ZNF483: variants seen among roughly 807,000 people sequenced by gnomAD.
ZNF483 encodes zinc finger protein 483.
In ZNF483, 9 loss-of-function variants were observed where a neutral mutation model predicts 28.6. The ratio of observed to expected loss-of-function variants is 0.32; its 90% CI spans 0.19 to 0.55. ZNF483 has a LOEUF of 0.55. Ranked by LOEUF, ZNF483 falls within the 20% of genes least tolerant of loss-of-function variation. The probability of loss-of-function intolerance (pLI) is 0.93; values close to 1 mark genes in which losing one functional copy is unlikely to be tolerated. For synonymous variants in ZNF483, 322 were observed against 306.2 expected (o/e 1.05, Z -0.54); for missense variants, 675 against 871.7 (o/e 0.77, Z 2.84).
chr9:111,530,274 GAGAGCTGTGTACCC>G (rs1827288901), intron 2 of ZNF483, among the ~76,000 whole-genome samples: 1 of 152,198 alleles, frequency 6.6e-6, no homozygotes, highest in South Asian at 2.1e-4. Context: ...GCAGTTCCTG[GAGAGCTGTGTACCC>G]AGAGATGGCA....
At chr9:111,534,418 CTT>C in intron 5 of ZNF483, 65 bp downstream of exon 5, 4 of 1,371,822 alleles carry the variant, frequency 2.9e-6, no homozygotes, top group Admixed American at 3.4e-5. Context: ...TGAGAAGACT[CTT>C]TGAAATGTTG....
downstream of ZNF483, among the ~76,000 whole-genome samples, chr9:111,560,144 G>A (rs1828231414): frequency 6.6e-6 from 1 of 151,668 alleles, no homozygotes; most frequent in African/African-American, 2.4e-5. Context: ...TCAGGAGGTC[G>A]AGACCAGCCT....
At position 111,551,689 on chromosome 9, in the gene ZNF483, G is replaced by A. The variant is rs946476695; in HGVS notation, c.*8519G>A. Among the ~76,000 whole-genome samples the A allele has an allele frequency of 5.3e-5, 8 of 152,042 alleles. No homozygotes were observed. The highest frequency in any genetic ancestry group is 1.9e-4 in the East Asian group (1 of 5,200). On this transcript the variant is annotated 3_prime_UTR_variant, in exon 6 of 6. Coordinates refer to ENST00000309235, the MANE Select transcript of ZNF483 (RefSeq NM_133464.5). ...AGTGCCGGGATTACAGGTGTGAACC[G>A]CCACACACAACCCCAATTTTTGTTT... is the stretch of plus-strand genomic sequence containing the variant.
Position 111,549,575 on chromosome 9 carries a change from A to G in ZNF483, c.*6405A>G. 1 of 636,290 alleles carries G rather than the reference A, an allele frequency of 1.6e-6. No homozygotes were observed. The allele number at this position is 636,290 out of a possible 1,614,324, so 39.4% of individuals were successfully genotyped here. A position where few individuals can be genotyped will look rare whatever the true frequency, so the allele number is the denominator to read the frequency against. Reference sequence around the variant, plus strand: ...AGGTCTGTCTCCCTTGTAGATTATCAGAGTGGGTCGATAATCTACAAGCTT... The same window carrying G: ...AGGTCTGTCTCCCTTGTAGATTATCGGAGTGGGTCGATAATCTACAAGCTT... On this transcript the variant is annotated 3_prime_UTR_variant, in exon 6 of 6. Coordinates refer to ENST00000309235, the MANE Select transcript of ZNF483 (RefSeq NM_133464.5).
At chr9:111,559,088 G>A (rs997298710), downstream of ZNF483, among the ~76,000 whole-genome samples, 1 of 152,058 alleles carries the variant, frequency 6.6e-6, no homozygotes, top group African/African-American at 2.4e-5. Flanking sequence ...CATGCTGCCA[G>A]GTAGAAGCTC....
At chr9:111,534,572 G>A (rs1424211756) in intron 5 of ZNF483, among the ~76,000 whole-genome samples, 1 of 152,128 alleles carries the variant, frequency 6.6e-6, no homozygotes, top group Non-Finnish European at 1.5e-5. Flanking sequence ...CTTTACTGGA[G>A]AAAGATTCAG....
In ZNF483 at chr9:111,554,861, G is replaced by A. The variant is rs746747799; in HGVS notation, c.*11691G>A. 4.1e-4 allele frequency among the ~76,000 whole-genome samples: 62 copies of A among 152,180 alleles called. No individual in the cohort carries two copies. Among genetic ancestry groups the A allele is most frequent in the Admixed American group, 7.2e-4 (11 of 15,278 alleles). ...GACAATCCAAAGTCTAATCTGCTCA[G>A]GGTCTACAACTGAAGTCCAGGGTCT... On this transcript the variant is annotated 3_prime_UTR_variant, in exon 6 of 6. Coordinates refer to ENST00000309235, the MANE Select transcript of ZNF483 (RefSeq NM_133464.5).
intron 2 of ZNF483, among the ~76,000 whole-genome samples, chr9:111,530,228 A>G (rs1310341924): frequency 6.6e-6 from 1 of 152,162 alleles, no homozygotes; most frequent in Admixed American, 6.5e-5. Flanking sequence ...CCAAAAGGAC[A>G]CAGCTCATGA....
At position 111,549,746 on chromosome 9, in the gene ZNF483, T is replaced by G. The variant is rs1398052023; in HGVS notation, c.*6576T>G. The G allele has an allele frequency of 6.4e-7, 1 of 1,550,842 alleles. No homozygotes were observed. The highest frequency in any genetic ancestry group is 8.7e-7 in the Non-Finnish European group (1 of 1,146,624). On this transcript the variant is annotated 3_prime_UTR_variant, in exon 6 of 6. Coordinates refer to ENST00000309235, the MANE Select transcript of ZNF483 (RefSeq NM_133464.5). The stretch of plus-strand genomic sequence containing the variant: ...CTAAGGTAATGGTGAATGATACATA[T>G]TCCCTTCATTTTTCTGCTTTGAAGC...
Position 111,542,444 on chromosome 9 carries a change from T to G in ZNF483, c.1509T>G (p.Gly503=). The change falls in exon 6 of 6, where the codon GGT becomes GGG. Residue 503 remains glycine, a synonymous_variant. Coordinates refer to ENST00000309235, the MANE Select transcript of ZNF483 (RefSeq NM_133464.5). The surrounding 1 kb of genome is among the most constrained non-coding windows in gnomAD (Gnocchi z 6.2). ...KPFKCDDCGK[G]FTLSAHLIKH... Reference sequence around the variant, plus strand: ...TCAAATGTGATGACTGTGGGAAAGGTTTCACCCTAAGTGCTCACCTCATTA... The same window carrying G: ...TCAAATGTGATGACTGTGGGAAAGGGTTCACCCTAAGTGCTCACCTCATTA... 2.5e-6 allele frequency: 4 copies of G among 1,614,062 alleles called. No individual in the cohort carries two copies. The highest frequency in any genetic ancestry group is 1.7e-5 in the Admixed American group (1 of 60,006).
chr9:111,560,672 G>A (rs1280772783), intron 5 of ZNF483, among the ~76,000 whole-genome samples: 3 of 143,634 alleles, frequency 2.1e-5, no homozygotes, highest in Admixed American at 7.0e-5. Flanking sequence ...CACCACGCAC[G>A]GTGGTTCACG....
chr9:111,533,854 T>C lies in ZNF483; in HGVS notation c.617T>C (p.Leu206Pro). The C allele has an allele frequency of 6.3e-7, 1 of 1,589,354 alleles. No individual in the cohort carries two copies. Among genetic ancestry groups the C allele is most frequent in the Non-Finnish European group, 8.5e-7 (1 of 1,174,128 alleles). ...KEVLLENLRN[L>P]EFLDFPVSKL... ...GTGCTACTGGAAAACCTCAGGAACC[T>C]AGAATTTCTGGGTAAAGACACCTTT... Residue 206 changes from leucine to proline, a missense_variant, in exon 4 of 6, where the codon CTA becomes CCA. By Grantham distance (98) the Leu-to-Pro change is moderately conservative. Around this residue, in one of 6 missense-constraint regions of ZNF483, gnomAD observed 525 missense variants for 581.8 expected, o/e 0.90. Transcript: ENST00000309235.
chr9:111,569,753 A>G lies in ZNF483; in HGVS notation c.722-6612A>G, dbSNP rs531025228. On this transcript the variant is annotated intron_variant, in intron 5 of 5. Coordinates refer to the ZNF483 transcript ENST00000358151. Reference sequence around the variant, plus strand: ...GCACTCCAGCCTGAGCAACAGAGTGAGACTCTGAAAAGCCTCATATGTGGG... The same window carrying G: ...GCACTCCAGCCTGAGCAACAGAGTGGGACTCTGAAAAGCCTCATATGTGGG... Among the ~76,000 whole-genome samples, 10 of 152,308 alleles carry G rather than the reference A, an allele frequency of 6.6e-5. No individual in the cohort carries two copies. In the South Asian group the frequency reaches 1.7e-3, roughly 25 times the overall value.
chr9:111,528,316 A>G (rs552320117), intron 2 of ZNF483, among the ~76,000 whole-genome samples: 3 of 152,234 alleles, frequency 2.0e-5, no homozygotes, highest in Admixed American at 6.5e-5. Flanking sequence ...GAATTTTTTA[A>G]ATCAAATTTA....
rs139510116 is a variant in ZNF483, at chr9:111,529,658, A to G, written c.413-1217A>G. ...CAATTCATTATTGTTCAAATTAAAT[A>G]TTTTTAAACTGAGGGTATACAGAAA... is the stretch of plus-strand genomic sequence containing the variant. On this transcript the variant is annotated intron_variant, in intron 2 of 5. Transcript: ENST00000309235. Among the ~76,000 whole-genome samples the G allele has an allele frequency of 9.3e-3, 1,412 of 152,372 alleles. 23 individuals are homozygous for G. The highest frequency in any genetic ancestry group is 0.032 in the African/African-American group (1,343 of 41,584).
Position 111,574,750 on chromosome 9 carries a change from G to C in ZNF483, c.722-1615G>C, listed in dbSNP as rs138524922. ...GCTCATTACCTGGGGGAAGTGGGCC[G>C]GTTCTGTTATATGTAGAGATGGCTC... On this transcript the variant is annotated intron_variant, in intron 5 of 5. Transcript: ENST00000358151. 14 of 1,612,528 alleles carry C rather than the reference G, an allele frequency of 8.7e-6. No homozygotes were observed. In the African/African-American group the frequency reaches 1.9e-4, roughly 22 times the overall value.
intron 5 of ZNF483, among the ~76,000 whole-genome samples, chr9:111,560,423 G>T (rs1397710620): frequency 6.9e-6 from 1 of 145,264 alleles, no homozygotes; most frequent in African/African-American, 2.6e-5. Context: ...GCACTGAGCC[G>T]AGATCAGGCC....
Position 111,560,972 on chromosome 9 carries a change from TATAGAG to T in ZNF483, c.722-15391_722-15386del, listed in dbSNP as rs1420229531. The stretch of plus-strand genomic sequence containing the variant: ...ATATATATATATATATATATATATA[TATAGAG>T]AGAGAGAGAGAGAGAGAGAGAGAGA... On this transcript the variant is annotated intron_variant, in intron 5 of 5. Coordinates refer to the ZNF483 transcript ENST00000358151. 7.3e-3 allele frequency among the ~76,000 whole-genome samples: 155 copies of T among 21,314 alleles called. 23 individuals are homozygous for T. The highest frequency in any genetic ancestry group is 0.023 in the South Asian group (11 of 482). 14.0% of individuals were successfully genotyped at this position (21,314 alleles called of 152,430 possible).
downstream of ZNF483, among the ~76,000 whole-genome samples, chr9:111,556,763 C>T (rs1215248792): frequency 1.3e-5 from 2 of 152,042 alleles, no homozygotes; most frequent in African/African-American, 2.4e-5. Context: ...TTTTTGCTCT[C>T]CCCTGCTGCC....
Sources: allele counts gnomAD v4.1 joint callset (sites outside exome capture counted in the v4.1 genomes callset), GRCh38; gene constraint gnomAD v4.1.1; regional missense constraint gnomAD v4.1.1; non-coding constraint Gnocchi (gnomAD v3.1); transcripts MANE v1.5; gene names NCBI Gene and HGNC (gene_info 2026-07-23, HGNC 2026-07-21).